Variants in CAPZB observed in about 807,000 individuals in gnomAD.
The protein encoded by CAPZB is capping actin protein of muscle Z-line subunit beta, also known as F-actin-capping protein subunit beta.
CAPZB carries 2 observed loss-of-function variants against 38.1 expected under a neutral mutation model. The observed-to-expected ratio is 0.05, with a 90% CI of 0.02 to 0.17. The LOEUF (loss-of-function observed/expected upper bound fraction) is 0.17, where lower values mean the gene tolerates loss of function less well. Ranked by LOEUF, CAPZB falls within the 10% of genes least tolerant of loss-of-function variation. The probability of loss-of-function intolerance (pLI) is 1.00; values close to 1 mark genes in which losing one functional copy is unlikely to be tolerated. For missense variants in CAPZB, 161 were observed against 334.2 expected, an observed-to-expected ratio of 0.48 and a Z score of 4.04; for synonymous variants, 107 against 127.4, an observed-to-expected ratio of 0.84 and a Z score of 1.08.
intron 1 of CAPZB, among the ~76,000 whole-genome samples, chr1:19,440,144 TTTC>T (rs2094471067): frequency 6.6e-6 from 1 of 152,174 alleles, no homozygotes; most frequent in African/African-American, 2.4e-5. Flanking sequence ...TACCTTTGTT[TTTC>T]TTTTCTTTTT....
At chr1:19,378,921 C>T (rs1419183999) in intron 3 of CAPZB, among the ~76,000 whole-genome samples, 1 of 152,160 alleles carries the variant, frequency 6.6e-6, no homozygotes, top group African/African-American at 2.4e-5. Context: ...CTGAGCCTCA[C>T]TTTTCTCCTG....
rs574931296 is a variant in CAPZB, at chr1:19,433,608, A to G, written c.4-13858T>C. 1.2e-4 allele frequency among the ~76,000 whole-genome samples: 18 copies of G among 152,342 alleles called. 1 individual carries two copies. The highest frequency in any genetic ancestry group is 3.6e-4 in the African/African-American group (15 of 41,572). ...ACGGGCATGTCTGGATGGGAAAGCA[A>G]AAAGGTTTAAAGGATCTGGAAAAAA... On this transcript the variant is annotated intron_variant, in intron 1 of 8. Coordinates refer to ENST00000264202, the MANE Select transcript of CAPZB (RefSeq NM_004930.5).
chr1:19,359,298 A>G (rs2094039939), intron 4 of CAPZB, among the ~76,000 whole-genome samples: 1 of 150,118 alleles, frequency 6.7e-6, no homozygotes, highest in Non-Finnish European at 1.5e-5. Flanking sequence ...GTACACGAAT[A>G]CACCGGAGTG....
intron 2 of CAPZB, chr1:19,385,871 A>C: frequency 1.6e-6 from 1 of 609,954 alleles, no homozygotes; most frequent in South Asian, 1.6e-5. Context: ...TCCTTCCAAA[A>C]ACTGTGTGCA....
intron 7 of CAPZB, among the ~76,000 whole-genome samples, chr1:19,344,921 G>C (rs2093952514): frequency 6.6e-6 from 1 of 152,240 alleles, no homozygotes. Flanking sequence ...ACAAGACCTA[G>C]TGCGCCCCAG....
Position 19,385,646 on chromosome 1 carries a change from A to C in CAPZB, c.94-20T>G, listed in dbSNP as rs1338735569. 1 of 1,614,194 alleles carries C rather than the reference A, an allele frequency of 6.2e-7. No homozygotes were observed. Among genetic ancestry groups the C allele is most frequent in the Admixed American group, 1.7e-5 (1 of 60,028 alleles). ...GGGGACCTGGCAGAGAGAAAGGACA[A>C]GGTCGAAACAGAGGTTAAAACAGCA... On this transcript the variant is annotated intron_variant, in intron 2 of 8. Coordinates refer to ENST00000264202, the MANE Select transcript of CAPZB (RefSeq NM_004930.5).
At chr1:19,363,701 C>T (rs1241097614) in intron 4 of CAPZB, among the ~76,000 whole-genome samples, 1 of 152,156 alleles carries the variant, frequency 6.6e-6, no homozygotes, top group Non-Finnish European at 1.5e-5. Flanking sequence ...GGAATCTGAG[C>T]TGTAACTATG....
At chr1:19,462,322 G>A (rs2094554607) in intron 1 of CAPZB, among the ~76,000 whole-genome samples, 1 of 151,988 alleles carries the variant, frequency 6.6e-6, no homozygotes, top group Admixed American at 6.6e-5. Flanking sequence ...GCCAGGCGTG[G>A]TGGCGGGCGC....
chr1:19,477,014 C>T (rs1219517381), intron 1 of CAPZB, among the ~76,000 whole-genome samples: 2 of 152,230 alleles, frequency 1.3e-5, no homozygotes, highest in Non-Finnish European at 2.9e-5. Context: ...AGTTACTACA[C>T]CTCTCTGAGC....
At chr1:19,374,204 T>G (rs1176797779) in intron 4 of CAPZB, 1 of 152,328 alleles carries the variant, frequency 6.6e-6, no homozygotes, top group Non-Finnish European at 1.5e-5. Flanking sequence ...ATTCCTTTTC[T>G]TGGGTCAAAT....
intron 1 of CAPZB, among the ~76,000 whole-genome samples, chr1:19,437,833 T>C (rs1175453537): frequency 6.6e-6 from 1 of 152,194 alleles, no homozygotes; most frequent in Non-Finnish European, 1.5e-5. Flanking sequence ...AATTTTTAAA[T>C]ACTTAGCTCA....
At chr1:19,432,753 A>G (rs182348115) in intron 1 of CAPZB, among the ~76,000 whole-genome samples, 1 of 152,368 alleles carries the variant, frequency 6.6e-6, no homozygotes, top group East Asian at 1.9e-4. Flanking sequence ...ACAGAAGGAC[A>G]TAACACAGGT....
intron 6 of CAPZB, among the ~76,000 whole-genome samples, chr1:19,348,659 C>G (rs2093975478): frequency 6.6e-6 from 1 of 151,204 alleles, no homozygotes; most frequent in African/African-American, 2.4e-5. Context: ...CTGGGCTGGA[C>G]TCGGTCTGTT....
intron 2 of CAPZB, among the ~76,000 whole-genome samples, chr1:19,395,092 G>A (rs550423380): frequency 5.9e-5 from 9 of 152,174 alleles, no homozygotes; most frequent in Non-Finnish European, 1.2e-4. Flanking sequence ...CGCTTGGCAG[G>A]TTAGGGGGAT....
chr1:19,376,167 C>T (rs940834903), intron 4 of CAPZB, among the ~76,000 whole-genome samples: 2 of 152,214 alleles, frequency 1.3e-5, no homozygotes, highest in Non-Finnish European at 2.9e-5. Flanking sequence ...CATATCTCAA[C>T]ATGCAGCCCA....
chr1:19,470,666 G>A (rs1345574646), intron 1 of CAPZB, among the ~76,000 whole-genome samples: 2 of 152,226 alleles, frequency 1.3e-5, no homozygotes, highest in Non-Finnish European at 2.9e-5. Context: ...ACCCCTGTGA[G>A]CAGTAAAATT....
intron 4 of CAPZB, among the ~76,000 whole-genome samples, chr1:19,376,349 G>C (rs1177402433): frequency 6.6e-6 from 1 of 152,170 alleles, no homozygotes; most frequent in African/African-American, 2.4e-5. Context: ...TAGCTGAAAG[G>C]GCAGGCTGTA....
rs76530035 is a variant in CAPZB at position 19,476,205 on chromosome 1, T to C, written c.3+9231A>G. 9.6e-3 allele frequency among the ~76,000 whole-genome samples: 1,325 copies of C among 137,316 alleles called. 19 individuals carry two copies. The highest frequency in any genetic ancestry group is 0.07 in the East Asian group (360 of 5,112). 90.1% of individuals were successfully genotyped at this position (137,316 alleles called of 152,430 possible). A position where few individuals can be genotyped will look rare whatever the true frequency, so the allele number is the denominator to read the frequency against. ...ATAGATAGATAGATAGATAGATAGATAGATAGATAGATAGATAGATAGGCA... is the reference window on the plus strand; with the variant it reads ...ATAGATAGATAGATAGATAGATAGACAGATAGATAGATAGATAGATAGGCA... On this transcript the variant is annotated intron_variant, in intron 1 of 8. Coordinates refer to ENST00000264202, the MANE Select transcript of CAPZB (RefSeq NM_004930.5).
At chr1:19,386,366 A>AT (rs2094204165) in intron 2 of CAPZB, among the ~76,000 whole-genome samples, 1 of 152,226 alleles carries the variant, frequency 6.6e-6, no homozygotes, top group African/African-American at 2.4e-5. Flanking sequence ...TTCTACCAAA[A>AT]TATCCCAGAA....
Sources: gnomAD v4.1 joint callset for allele counts (sites outside exome capture counted in the v4.1 genomes callset) on GRCh38, gnomAD v4.1.1 for gene constraint, MANE v1.5 for transcripts, NCBI Gene and HGNC (gene_info 2026-07-23, HGNC 2026-07-21) for gene names.